LIN7A: variants seen among roughly 807,000 people sequenced by gnomAD.
LIN7A encodes the protein protein lin-7 homolog A.
A neutral mutation model predicts 29.8 loss-of-function variants in LIN7A; 25 were observed. The observed-to-expected ratio is 0.84, with a 90% confidence interval of 0.61 to 1.17. The LOEUF (loss-of-function observed/expected upper bound fraction) is 1.17. Among genes scored for constraint, LIN7A ranks in the 50% most tolerant of loss-of-function variants. LIN7A has a pLI of 0.00. For synonymous variants in LIN7A, 118 were observed against 107.5 expected (o/e 1.10, Z -0.60); for missense variants, 239 against 287.0 (o/e 0.83, Z 1.21).
intron 1 of LIN7A, among the ~76,000 whole-genome samples, chr12:80,916,731 C>T (rs1000847039): frequency 6.6e-6 from 1 of 152,048 alleles, no homozygotes; most frequent in East Asian, 1.9e-4. Flanking sequence ...AAGGATATAA[C>T]CTAGGTTGCA....
chr12:80,882,287 C>CTTTTTTTT lies in LIN7A; in HGVS notation c.201+6956_201+6963dup, dbSNP rs56000415. Among the ~76,000 whole-genome samples the CTTTTTTTT allele has an allele frequency of 2.1e-3, 182 of 87,688 alleles. 43 individuals are homozygous for CTTTTTTTT. The highest frequency in any genetic ancestry group is 2.9e-3 in the Non-Finnish European group (103 of 35,008). The allele number at this position is 87,688 out of a possible 152,430, so 57.5% of individuals were successfully genotyped here. The stretch of plus-strand genomic sequence containing the variant: ...ACAGTACTATCATTTTTCTTTCATT[C>CTTTTTTTT]TTTTTTTTTTTTTTTGAGACGGAGT... On this transcript the variant is annotated intron_variant, in intron 2 of 5. Transcript: ENST00000552864.
At chr12:80,835,369 T>C (rs183250573) in intron 4 of LIN7A, among the ~76,000 whole-genome samples, 69 of 152,296 alleles carry the variant, frequency 4.5e-4, no homozygotes, top group Non-Finnish European at 9.1e-4. Flanking sequence ...GGACAGGTGT[T>C]GTTACATCAG....
At chr12:80,852,051 C>T (rs1468465901) in intron 2 of LIN7A, among the ~76,000 whole-genome samples, 2 of 152,066 alleles carry the variant, frequency 1.3e-5, no homozygotes, top group Non-Finnish European at 2.9e-5. Context: ...TATTAGGCAT[C>T]TGGGCTAAAT....
intron 4 of LIN7A, among the ~76,000 whole-genome samples, chr12:80,826,259 A>G (rs1427633246): frequency 6.6e-6 from 1 of 152,110 alleles, no homozygotes; most frequent in East Asian, 1.9e-4. Flanking sequence ...CTTATTTTAA[A>G]TGCTCTAACT....
At chr12:80,935,753 G>A (rs767564755) in intron 1 of LIN7A, 2 of 502,454 alleles carry the variant, frequency 4.0e-6, no homozygotes, top group South Asian at 1.4e-5. Context: ...CATCCACAGG[G>A]TAAACCTGCT....
chr12:80,933,332 T>A (rs931522686), intron 1 of LIN7A, among the ~76,000 whole-genome samples: 1 of 152,202 alleles, frequency 6.6e-6, no homozygotes, highest in African/African-American at 2.4e-5. Flanking sequence ...TTCTTGGTTA[T>A]AAATGTAAAA....
intron 2 of LIN7A, among the ~76,000 whole-genome samples, chr12:80,860,543 G>A (rs955118804): frequency 6.6e-6 from 1 of 152,206 alleles, no homozygotes; most frequent in Non-Finnish European, 1.5e-5. Flanking sequence ...CTTTCCTGAA[G>A]AGGGAGTCTT....
rs969109531 is a variant in LIN7A at position 80,815,849 on chromosome 12, T to A, written c.484-4166A>T. On this transcript the variant is annotated intron_variant, in intron 4 of 5. Transcript: ENST00000552864. ...CCTTGCAATGGACGTCTGGTAAAAT[T>A]GGATTTTATTAAGAAGGTGAGGAGT... Among the ~76,000 whole-genome samples the A allele has an allele frequency of 2.6e-5, 4 of 152,118 alleles. No individual in the cohort carries two copies. In the East Asian group the frequency reaches 7.7e-4, roughly 29 times the overall value.
At chr12:80,812,662 C>T (rs946896610) in intron 4 of LIN7A, among the ~76,000 whole-genome samples, 1 of 152,110 alleles carries the variant, frequency 6.6e-6, no homozygotes, top group African/African-American at 2.4e-5. Context: ...AGAGATTCTC[C>T]TGCCTCAGCC....
intron 4 of LIN7A, among the ~76,000 whole-genome samples, chr12:80,817,259 T>G (rs532975834): frequency 6.6e-6 from 1 of 151,394 alleles, no homozygotes; most frequent in East Asian, 1.9e-4. Context: ...AATTTGCTCA[T>G]GACATGTGCT....
At chr12:80,914,632 G>C (rs1876938760) in intron 1 of LIN7A, among the ~76,000 whole-genome samples, 1 of 152,146 alleles carries the variant, frequency 6.6e-6, no homozygotes, top group Non-Finnish European at 1.5e-5. Flanking sequence ...CAGATGTTAA[G>C]CTTAGCATCC....
chr12:80,884,205 C>A (rs1464729430), intron 2 of LIN7A, among the ~76,000 whole-genome samples: 1 of 152,092 alleles, frequency 6.6e-6, no homozygotes, highest in Non-Finnish European at 1.5e-5. Context: ...ACAGTTTATA[C>A]AACATAGTTT....
chr12:80,909,739 T>G (rs1876661138), intron 1 of LIN7A, among the ~76,000 whole-genome samples: 1 of 152,150 alleles, frequency 6.6e-6, no homozygotes, highest in African/African-American at 2.4e-5. Flanking sequence ...AACATACGAA[T>G]TTTGAGTGAA....
rs761390051 is a variant in LIN7A at position 80,845,907 on chromosome 12, GCCTT to G, written c.302_305del (p.Glu101AlafsTer7). ...GTTCAACTACTCGAGGGTGGGAGTG[GCCTT>G]CACTAGCTGCAAAAGCTGCAACTGT... On this transcript the variant is annotated frameshift_variant, in exon 4 of 6. Transcript: ENST00000552864. LOFTEE classifies it high-confidence loss of function. The G allele has an allele frequency of 6.2e-7, 1 of 1,605,024 alleles. No individual in the cohort carries two copies. Among genetic ancestry groups the G allele is most frequent in the Admixed American group, 1.7e-5 (1 of 58,506 alleles).
intron 5 of LIN7A, among the ~76,000 whole-genome samples, chr12:80,807,081 T>TTTTTTTTTTTTTTG (rs1871063991): frequency 3.7e-5 from 5 of 135,582 alleles, no homozygotes; most frequent in Non-Finnish European, 6.2e-5. Flanking sequence ...TTTTTTTTTT[T>TTTTTTTTTTTTTTG]TTTTTTTTTT....
At chr12:80,927,649 G>T (rs756992939) in intron 1 of LIN7A, among the ~76,000 whole-genome samples, 3 of 152,116 alleles carry the variant, frequency 2.0e-5, no homozygotes, top group African/African-American at 4.8e-5. Context: ...TAAACTTAGC[G>T]CCCTAACTAC....
At chr12:80,812,031 T>C (rs2121513400) in intron 4 of LIN7A, among the ~76,000 whole-genome samples, 1 of 152,174 alleles carries the variant, frequency 6.6e-6, no homozygotes, top group East Asian at 1.9e-4. Context: ...TAAAACATAG[T>C]AACAAAGAGA....
chr12:80,794,618 G>A lies in LIN7A; in HGVS notation c.*3109C>T, dbSNP rs1380747101. 2 of 152,044 alleles carry A rather than the reference G, an allele frequency of 1.3e-5. No homozygotes were observed. The highest frequency in any genetic ancestry group is 6.6e-5 in the Admixed American group (1 of 15,236). The allele number at this position is 152,044 out of a possible 1,614,324, so 9.4% of individuals were successfully genotyped here. On this transcript the variant is annotated 3_prime_UTR_variant, in exon 6 of 6. Transcript: ENST00000552864. Reference sequence around the variant, plus strand: ...TTTGTAAATCTGTGTAATCCATCTCGAGCCAAGTTCTTTGGAGACAGTCTA... The same window carrying A: ...TTTGTAAATCTGTGTAATCCATCTCAAGCCAAGTTCTTTGGAGACAGTCTA...
intron 1 of LIN7A, among the ~76,000 whole-genome samples, chr12:80,904,106 A>C (rs996538558): frequency 2.0e-5 from 3 of 152,146 alleles, no homozygotes; most frequent in African/African-American, 7.2e-5. Flanking sequence ...TATGAAAATA[A>C]CTCAAAATAA....
Sources: gnomAD v4.1 joint callset for allele counts (sites outside exome capture counted in the v4.1 genomes callset) on GRCh38, gnomAD v4.1.1 for gene constraint, MANE v1.5 for transcripts, NCBI Gene and HGNC (gene_info 2026-07-23, HGNC 2026-07-21) for gene names.